Variants in PCDHA9 observed in about 807,000 individuals in gnomAD.
PCDHA9 encodes the protein protocadherin alpha 9, also known as protocadherin alpha-9.
Under a neutral mutation model 62.0 loss-of-function variants are expected in PCDHA9, and 62 were observed. That is an observed-to-expected ratio of 1.00 (90% CI 0.81 to 1.23). The LOEUF (loss-of-function observed/expected upper bound fraction) is 1.23, where lower values mean the gene tolerates loss of function less well. Among genes scored for constraint, PCDHA9 ranks in the 50% most tolerant of loss-of-function variants. PCDHA9 has a pLI of 0.00. For synonymous variants in PCDHA9, 557 were observed against 567.6 expected, an observed-to-expected ratio of 0.98 and a Z score of 0.27; for missense variants, 1,205 against 1,249.8, an observed-to-expected ratio of 0.96 and a Z score of 0.54.
chr5:140,985,946 A>G (rs1265124776), intron 3 of PCDHA9, among the ~76,000 whole-genome samples: 1 of 151,962 alleles, frequency 6.6e-6, no homozygotes, highest in Non-Finnish European at 1.5e-5. Flanking sequence ...TCACTGTGTT[A>G]GCCAGGATGG....
intron 1 of PCDHA9, chr5:140,968,172 T>C (rs2096226402): frequency 6.2e-7 from 1 of 1,614,110 alleles, no homozygotes; most frequent in Non-Finnish European, 8.5e-7. Flanking sequence ...CCACCAAGCT[T>C]CCTGGAGGAC....
chr5:140,876,970 G>C, intron 1 of PCDHA9: 1 of 1,612,850 alleles, frequency 6.2e-7, no homozygotes. Context: ...GCGGCGGGTG[G>C]GCGAGCACGC....
rs1460408085 is a variant in PCDHA9, at chr5:140,900,316, C to T, written c.2394+49427C>T. On this transcript the variant is annotated intron_variant, in intron 1 of 3. Coordinates refer to ENST00000532602, the MANE Select transcript of PCDHA9 (RefSeq NM_031857.2). ...TTTTTTTAGACAGTCTCACTTTTGT[C>T]GCCCAGGCTGGAGTACCGTGGCGCA... Among the ~76,000 whole-genome samples the T allele has an allele frequency of 1.2e-4, 18 of 152,172 alleles. No individual in the cohort carries two copies. The East Asian group carries it at 2.7e-3, about 23-fold the overall frequency.
At chr5:140,926,483 A>C (rs1261469017) in intron 1 of PCDHA9, 4 of 168,788 alleles carry the variant, frequency 2.4e-5, no homozygotes, top group East Asian at 1.7e-4. Flanking sequence ...TAAGGAGAGA[A>C]GTGTTAGTGT....
At chr5:140,882,062 T>G (rs78484684) in intron 1 of PCDHA9, 9 of 812,456 alleles carry the variant, frequency 1.1e-5, no homozygotes, top group Non-Finnish European at 1.5e-5. Flanking sequence ...CACTTACACG[T>G]TCATGCGCAT....
chr5:140,850,521 C>T lies in PCDHA9; in HGVS notation c.2026C>T (p.Pro676Ser), dbSNP rs2041655366. 2 of 1,598,110 alleles carry T rather than the reference C, an allele frequency of 1.3e-6. No individual in the cohort carries two copies. The highest frequency in any genetic ancestry group is 3.4e-5 in the Admixed American group (2 of 59,292). The change falls in exon 1 of 4, where the codon CCA becomes TCA. Residue 676 changes from proline (P) to serine (S), a missense_variant. By Grantham distance (74) the Pro-to-Ser change is moderately conservative (BLOSUM62 -1). Coordinates refer to ENST00000532602, the MANE Select transcript of PCDHA9 (RefSeq NM_031857.2). ...LVSLVESGQAPKSSSRASVGA... is the reference protein window; with the variant it reads ...LVSLVESGQASKSSSRASVGA... ...GTCGCTGGTGGAGAGCGGCCAGGCG[C>T]CAAAGTCATCGTCGCGGGCGTCAGT... is the stretch of plus-strand genomic sequence containing the variant.
chr5:140,987,120 A>G (rs1224513029), intron 3 of PCDHA9, among the ~76,000 whole-genome samples: 9 of 151,956 alleles, frequency 5.9e-5, no homozygotes, highest in African/African-American at 2.2e-4. Context: ...AGGCTGAGGC[A>G]GGAGAATTGC....
At chr5:141,000,824 T>C (rs1477357302) in intron 3 of PCDHA9, among the ~76,000 whole-genome samples, 1 of 152,064 alleles carries the variant, frequency 6.6e-6, no homozygotes, top group Non-Finnish European at 1.5e-5. Context: ...GGAGGATCAC[T>C]TGAGTCCAGG....
At position 140,870,626 on chromosome 5, in the gene PCDHA9, C is replaced by T. The variant is rs782773688; in HGVS notation, c.2394+19737C>T. 61 of 1,612,898 alleles carry T rather than the reference C, an allele frequency of 3.8e-5. No homozygotes were observed. Among genetic ancestry groups the T allele is most frequent in the Non-Finnish European group, 5.0e-5 (59 of 1,179,802 alleles). Reference sequence around the variant, plus strand: ...GACCGCGCGCTGTCGAGCTACGTGTCGGTGCACGCGGAGAGCGGCAAGGTG... The same window carrying T: ...GACCGCGCGCTGTCGAGCTACGTGTTGGTGCACGCGGAGAGCGGCAAGGTG... On this transcript the variant is annotated intron_variant, in intron 1 of 3. Transcript: ENST00000532602.
At chr5:140,866,296 A>T (rs2049269688) in intron 1 of PCDHA9, 4 of 152,164 alleles carry the variant, frequency 2.6e-5, no homozygotes, top group Admixed American at 2.6e-4. Flanking sequence ...ACAAGTATAG[A>T]TGTTGATATT....
intron 1 of PCDHA9, among the ~76,000 whole-genome samples, chr5:140,925,792 T>C (rs918762181): frequency 6.6e-6 from 1 of 152,170 alleles, no homozygotes. Flanking sequence ...AGTATCTCAG[T>C]ACTTTCCCCT....
chr5:140,898,794 T>C (rs1487494121), intron 1 of PCDHA9, among the ~76,000 whole-genome samples: 4 of 152,236 alleles, frequency 2.6e-5, no homozygotes, highest in Non-Finnish European at 4.4e-5. Context: ...ATGGCCATTT[T>C]CACGATACTG....
At chr5:140,856,119 A>G (rs782020835) in intron 1 of PCDHA9, 1 of 1,597,678 alleles carries the variant, frequency 6.3e-7, no homozygotes, top group East Asian at 2.2e-5. Flanking sequence ...GCAGCCTGGG[A>G]GGTGGGGAGC....
intron 1 of PCDHA9, among the ~76,000 whole-genome samples, chr5:140,937,385 T>G (rs1022137225): frequency 2.6e-5 from 4 of 152,170 alleles, no homozygotes; most frequent in Admixed American, 2.6e-4. Flanking sequence ...TGTGTGTATG[T>G]GTATATAGGG....
chr5:140,945,516 A>C (rs1192013721), intron 1 of PCDHA9, among the ~76,000 whole-genome samples: 2 of 152,154 alleles, frequency 1.3e-5, no homozygotes, highest in Non-Finnish European at 2.9e-5. Flanking sequence ...AAAGTAAATA[A>C]ATAAATAAAA....
intron 1 of PCDHA9, among the ~76,000 whole-genome samples, chr5:140,913,256 T>C (rs1162098506): frequency 6.6e-6 from 1 of 152,208 alleles, no homozygotes; most frequent in East Asian, 1.9e-4. Context: ...ACAACTTTGA[T>C]CTAATTACTT....
At chr5:140,967,944 A>T in intron 1 of PCDHA9, 1 of 1,614,088 alleles carries the variant, frequency 6.2e-7, no homozygotes, top group Non-Finnish European at 8.5e-7. Flanking sequence ...AATGACCAAG[A>T]CTCAGGCCCC....
intron 1 of PCDHA9, among the ~76,000 whole-genome samples, chr5:140,923,225 AGCCCAGAAG>A (rs2081250184): frequency 4.2e-5 from 3 of 71,942 alleles, no homozygotes; most frequent in Admixed American, 3.0e-4. Flanking sequence ...GGATCGTTTG[AGCCCAGAAG>A]TTTGAGACCA....
chr5:140,943,333 T>C (rs1337058167), intron 1 of PCDHA9, among the ~76,000 whole-genome samples: 1 of 150,974 alleles, frequency 6.6e-6, no homozygotes, highest in East Asian at 1.9e-4. Flanking sequence ...GTAGTATCCA[T>C]TGGACAGGAT....
Sources: allele counts gnomAD v4.1 joint callset (sites outside exome capture counted in the v4.1 genomes callset), GRCh38; gene constraint gnomAD v4.1.1; transcripts MANE v1.5; gene names NCBI Gene and HGNC (gene_info 2026-07-23, HGNC 2026-07-21).